Variants in ZC3H8 observed in about 807,000 individuals in gnomAD.
The protein encoded by ZC3H8 is zinc finger CCCH domain-containing protein 8.
A neutral mutation model predicts 42.5 loss-of-function variants in ZC3H8; 27 were observed. That is an observed-to-expected ratio of 0.64 (90% CI 0.47 to 0.88). The LOEUF is 0.88. Among genes scored for constraint, ZC3H8 ranks in the 40% least tolerant of loss-of-function variants. The pLI is 0.00. For missense variants in ZC3H8, 277 were observed against 336.1 expected (o/e 0.82, Z 1.37); for synonymous variants, 101 against 110.1 (o/e 0.92, Z 0.52).
chr2:112,230,903 CT>C lies in ZC3H8; in HGVS notation c.*14del. On this transcript the variant is annotated splice_region_variant and 3_prime_UTR_variant, in exon 8 of 9. Transcript: ENST00000409573. ...GAAATGTGGTAAATTCTAATTTTACCTTTTTATGTCTATTTTATTTACATGA... is the reference window on the plus strand; with the variant it reads ...GAAATGTGGTAAATTCTAATTTTACCTTTTATGTCTATTTTATTTACATGA... 2.3e-6 allele frequency: 3 copies of C among 1,287,496 alleles called. No homozygotes were observed. The highest frequency in any genetic ancestry group is 3.0e-6 in the Non-Finnish European group (3 of 986,030). 79.8% of individuals were successfully genotyped at this position (1,287,496 alleles called of 1,614,324 possible).
Position 112,254,920 on chromosome 2 carries a change from T to C in ZC3H8, c.62A>G (p.Asp21Gly), listed in dbSNP as rs1344483555. The C allele has an allele frequency of 1.9e-6, 3 of 1,613,396 alleles. No homozygotes were observed. The highest frequency in any genetic ancestry group is 2.5e-6 in the Non-Finnish European group (3 of 1,179,608). Residue 21 changes from aspartate (D) to glycine (G), a missense_variant, in exon 1 of 9, where the codon GAC becomes GGC. Physicochemically the swap from Asp to Gly is moderately conservative, Grantham distance 94. Coordinates refer to ENST00000409573, the MANE Select transcript of ZC3H8 (RefSeq NM_032494.3). ...PNPALGKTAT[D>G]SDERIDDEID... is the part of the protein sequence containing the mutation. ...GATATGGGATCACCTTTCGTCAGAGTCCGTGGCCGTTTTGCCGAGGGCCGG... is the reference window on the plus strand; with the variant it reads ...GATATGGGATCACCTTTCGTCAGAGCCCGTGGCCGTTTTGCCGAGGGCCGG...
intron 1 of ZC3H8, chr2:112,254,131 T>G: frequency 2.0e-6 from 2 of 985,338 alleles, no homozygotes; most frequent in Non-Finnish European, 1.2e-6. Context: ...TAAGGTAAAA[T>G]TTGAGATAGA....
chr2:112,235,419 G>T (rs1685276062), intron 4 of ZC3H8, among the ~76,000 whole-genome samples: 1 of 152,158 alleles, frequency 6.6e-6, no homozygotes, highest in Non-Finnish European at 1.5e-5. Flanking sequence ...ATTGACAGGG[G>T]GTTGAGAAAC....
rs533390391 is a variant in ZC3H8 at position 112,216,695 on chromosome 2, A to AAT, written c.*16-228_*16-227insAT. On this transcript the variant is annotated intron_variant, in intron 8 of 8. Transcript: ENST00000409573. The stretch of plus-strand genomic sequence containing the variant: ...ATTAGAACTGAAGCAAAAAAAAAAA[A>AAT]AATACAAATAATGAGACAAGAGTTG... Among the ~76,000 whole-genome samples, 55 of 152,090 alleles carry AAT rather than the reference A, an allele frequency of 3.6e-4. No individual in the cohort carries two copies. The South Asian group carries it at 0.011, about 30-fold the overall frequency.
At chr2:112,224,566 A>C (rs1684734022) in intron 8 of ZC3H8, among the ~76,000 whole-genome samples, 1 of 152,244 alleles carries the variant, frequency 6.6e-6, no homozygotes, top group Admixed American at 6.5e-5. Flanking sequence ...ATGTTCGCTG[A>C]AGCTTTATTT....
chr2:112,254,800 C>T, intron 1 of ZC3H8, 108 bp downstream of exon 1: 1 of 1,349,036 alleles, frequency 7.4e-7, no homozygotes, highest in Non-Finnish European at 1.0e-6. Flanking sequence ...CACGGGCCCT[C>T]GCGACGCGGC....
Position 112,240,763 on chromosome 2 carries a change from C to A in ZC3H8, c.157-2235G>T, listed in dbSNP as rs180897220. Among the ~76,000 whole-genome samples the A allele has an allele frequency of 3.9e-5, 6 of 152,162 alleles. No individual in the cohort carries two copies. The East Asian group carries it at 1.2e-3, about 29-fold the overall frequency. ...TATATAAAATACAAATAATTGAATA[C>A]TTTTCTTCACTTAGCTAGCTATAAA... is the stretch of plus-strand genomic sequence containing the variant. On this transcript the variant is annotated intron_variant, in intron 2 of 8. Transcript: ENST00000409573.
chr2:112,237,742 C>T (rs770698764), intron 3 of ZC3H8, among the ~76,000 whole-genome samples: 4 of 151,628 alleles, frequency 2.6e-5, no homozygotes, highest in Non-Finnish European at 2.9e-5. Flanking sequence ...TACCCTGATA[C>T]TTTTTTTTAT....
At chr2:112,226,345 T>C (rs531718630) in intron 8 of ZC3H8, among the ~76,000 whole-genome samples, 130 of 151,864 alleles carry the variant, frequency 8.6e-4, no homozygotes, top group African/African-American at 2.9e-3. Context: ...TCCCAGCACT[T>C]TGGGAGGCTG....
At chr2:112,236,097 C>G (rs1685315330) in intron 4 of ZC3H8, among the ~76,000 whole-genome samples, 1 of 151,974 alleles carries the variant, frequency 6.6e-6, no homozygotes, top group Non-Finnish European at 1.5e-5. Context: ...AACCCTGTCT[C>G]TACTAAAAAT....
intron 3 of ZC3H8, among the ~76,000 whole-genome samples, 184 bp downstream of exon 3, chr2:112,238,131 G>A (rs1010139219): frequency 1.3e-5 from 2 of 152,108 alleles, no homozygotes; most frequent in African/African-American, 4.8e-5. Context: ...AGCATTTAAT[G>A]CACCAAGTGG....
chr2:112,234,032 TA>T (rs11308292), intron 5 of ZC3H8, 87 bp downstream of exon 5: 100,789 of 760,490 alleles, frequency 0.13, 7,574 homozygotes, highest in Non-Finnish European at 0.15. Context: ...GAAACAGCTT[TA>T]AAAACCTAAA....
At chr2:112,246,613 G>A (rs949232553) in intron 2 of ZC3H8, among the ~76,000 whole-genome samples, 2 of 152,188 alleles carry the variant, frequency 1.3e-5, no homozygotes, top group African/African-American at 2.4e-5. Context: ...GAATGAAGAC[G>A]TGACTGAATT....
At chr2:112,219,480 T>C (rs564968890) in intron 8 of ZC3H8, among the ~76,000 whole-genome samples, 10 of 152,256 alleles carry the variant, frequency 6.6e-5, no homozygotes, top group Admixed American at 4.6e-4. Context: ...ATAAAGCTCA[T>C]AGAGGAAAAC....
At chr2:112,253,331 A>G (rs1453155351) in intron 1 of ZC3H8, among the ~76,000 whole-genome samples, 1 of 152,120 alleles carries the variant, frequency 6.6e-6, no homozygotes, top group Non-Finnish European at 1.5e-5. Flanking sequence ...ATTTACTACT[A>G]TATCCCCAAG....
intron 1 of ZC3H8, among the ~76,000 whole-genome samples, chr2:112,251,023 A>C (rs76909525): frequency 0.13 from 19,156 of 152,248 alleles, 1,368 homozygotes; most frequent in Non-Finnish European, 0.16. Flanking sequence ...ATATAAGAAC[A>C]TGGTGAACAA....
chr2:112,243,206 C>T (rs1414852571), intron 2 of ZC3H8, among the ~76,000 whole-genome samples: 3 of 152,216 alleles, frequency 2.0e-5, no homozygotes, highest in Admixed American at 2.0e-4. Context: ...ATTTTGCACA[C>T]TCAAACAGTT....
rs188918312 is a variant in ZC3H8 at position 112,235,224 on chromosome 2, A to C, written c.505-988T>G. Among the ~76,000 whole-genome samples, 526 of 152,334 alleles carry C rather than the reference A, an allele frequency of 3.5e-3. 2 individuals carry two copies. Among genetic ancestry groups the C allele is most frequent in the South Asian group, 0.01 (50 of 4,828 alleles). On this transcript the variant is annotated intron_variant, in intron 4 of 8. Coordinates refer to ENST00000409573, the MANE Select transcript of ZC3H8 (RefSeq NM_032494.3). ...AGCTGACTGTACAGTCATTTATAATAATGTCAAATTTCCACTTAGCACCAT... is the reference window on the plus strand; with the variant it reads ...AGCTGACTGTACAGTCATTTATAATCATGTCAAATTTCCACTTAGCACCAT...
At chr2:112,223,969 C>T (rs1458201370) in intron 8 of ZC3H8, among the ~76,000 whole-genome samples, 3 of 152,034 alleles carry the variant, frequency 2.0e-5, no homozygotes, top group Non-Finnish European at 4.4e-5. Context: ...ATGGTGAAAC[C>T]CCATCTCAAC....
Sources: allele counts gnomAD v4.1 joint callset (sites outside exome capture counted in the v4.1 genomes callset), GRCh38; gene constraint gnomAD v4.1.1; transcripts MANE v1.5; gene names NCBI Gene and HGNC (gene_info 2026-07-23, HGNC 2026-07-21).